The following ZNF697 variants were observed in gnomAD, a reference collection of about 807,000 sequenced individuals.
The protein encoded by ZNF697 is zinc finger protein 697.
ZNF697 carries 23 observed loss-of-function variants against 32.4 expected under a neutral mutation model. The ratio of observed to expected loss-of-function variants is 0.71; its 90% confidence interval spans 0.51 to 1.01. The LOEUF is 1.01. Ranked by LOEUF, ZNF697 falls within the 50% of genes least tolerant of loss-of-function variation. The pLI is 0.00. For missense variants in ZNF697, 930 were observed against 794.0 expected (o/e 1.17, Z -2.06); for synonymous variants, 418 against 337.2 (o/e 1.24, Z -2.62).
chr1:119,631,601 TTGGGCCC>T (rs1648776258), intron 1 of ZNF697, among the ~76,000 whole-genome samples: 1 of 59,430 alleles, frequency 1.7e-5, no homozygotes, highest in South Asian at 5.3e-4. Context: ...TGGGCCCCGC[TTGGGCCC>T]CGCCTGGGCC....
At chr1:119,644,137 A>G (rs767421742) in intron 1 of ZNF697, among the ~76,000 whole-genome samples, 3 of 152,224 alleles carry the variant, frequency 2.0e-5, no homozygotes, top group Non-Finnish European at 4.4e-5. Flanking sequence ...CAGAATTTCA[A>G]ACAATGCAAG....
At chr1:119,632,843 A>G (rs2101088058) in intron 1 of ZNF697, among the ~76,000 whole-genome samples, 1 of 152,328 alleles carries the variant, frequency 6.6e-6, no homozygotes, top group East Asian at 1.9e-4. Flanking sequence ...TCCATATTTT[A>G]CATTTAACTG....
intron 1 of ZNF697, among the ~76,000 whole-genome samples, chr1:119,629,987 G>T (rs587737756): frequency 4.5e-4 from 69 of 152,306 alleles, no homozygotes; most frequent in African/African-American, 1.5e-3. Context: ...GCTAAATAGG[G>T]TGTGGGTGCC....
intron 1 of ZNF697, among the ~76,000 whole-genome samples, chr1:119,641,943 T>C (rs1209836338): frequency 6.6e-6 from 1 of 152,200 alleles, no homozygotes; most frequent in Non-Finnish European, 1.5e-5. Flanking sequence ...AGCATGAGAA[T>C]GAACTAATAC....
chr1:119,631,272 C>T (rs1362618827), intron 1 of ZNF697, among the ~76,000 whole-genome samples: 1 of 152,248 alleles, frequency 6.6e-6, no homozygotes, highest in African/African-American at 2.4e-5. Flanking sequence ...GCGGTGTCTC[C>T]TTGGAGCGGA....
rs1259677668 is a variant in ZNF697 at position 119,620,698 on chromosome 1, A to G, written c.*2007T>C. The G allele has an allele frequency of 2.0e-5, 3 of 152,656 alleles. No individual in the cohort carries two copies. The highest frequency in any genetic ancestry group is 6.5e-5 in the Admixed American group (1 of 15,286). The allele number at this position is 152,656 out of a possible 1,614,324, so 9.5% of individuals were successfully genotyped here. On this transcript the variant is annotated 3_prime_UTR_variant, in exon 3 of 3. Coordinates refer to ENST00000421812, the MANE Select transcript of ZNF697 (RefSeq NM_001080470.2). ...ATTTGTGAATAACAATAAACTGATT[A>G]AGAGGGCAAGATCAACAGGCATTAT...
rs1051121161 is a variant in ZNF697 at position 119,643,362 on chromosome 1, G to C, written c.-38+4329C>G. On this transcript the variant is annotated intron_variant, in intron 1 of 2. Transcript: ENST00000421812. ...CCTATTCTCCTTTAACATGACTAAT[G>C]TGCTTCTAACAACCCATAGCACACT... Among the ~76,000 whole-genome samples, 3 of 152,244 alleles carry C rather than the reference G, an allele frequency of 2.0e-5. No homozygotes were observed. In the South Asian group the frequency reaches 6.2e-4, roughly 32 times the overall value.
Position 119,619,470 on chromosome 1 carries a change from AAC to A in ZNF697, c.*3233_*3234del, listed in dbSNP as rs1648242617. On this transcript the variant is annotated 3_prime_UTR_variant, in exon 3 of 3. Coordinates refer to ENST00000421812, the MANE Select transcript of ZNF697 (RefSeq NM_001080470.2). Reference sequence around the variant, plus strand: ...GACAAATATTCCATATTGGTTGCTGAACACCAGAATGCTGTCCAAGGAACCAT... The same window carrying A: ...GACAAATATTCCATATTGGTTGCTGAACCAGAATGCTGTCCAAGGAACCAT... 6.6e-6 allele frequency: 1 copy of A among 152,292 alleles called. No homozygotes were observed. The allele number at this position is 152,292 out of a possible 1,614,324, so 9.4% of individuals were successfully genotyped here. A position where few individuals can be genotyped will look rare whatever the true frequency, so the allele number is the denominator to read the frequency against.
chr1:119,638,594 C>T (rs1016240717), intron 1 of ZNF697, among the ~76,000 whole-genome samples: 2 of 152,224 alleles, frequency 1.3e-5, no homozygotes, highest in African/African-American at 4.8e-5. Context: ...CTCTTCTTAA[C>T]TCCTAAAATA....
chr1:119,638,876 C>T lies in ZNF697; in HGVS notation c.-38+8815G>A, dbSNP rs140290186. Among the ~76,000 whole-genome samples the T allele has an allele frequency of 5.1e-4, 78 of 152,220 alleles. 1 individual carries two copies. Among genetic ancestry groups the T allele is most frequent in the African/African-American group, 1.7e-3 (69 of 41,542 alleles). On this transcript the variant is annotated intron_variant, in intron 1 of 2. Transcript: ENST00000421812. ...GCAGCAGAAACAGGAAAAGCACATG[C>T]GAAGGAGTCAACAGCACGGGTTAAA...
chr1:119,622,894 G>A lies in ZNF697; in HGVS notation c.1449C>T (p.His483=). The change falls in exon 3 of 3, where the codon CAC becomes CAT. Residue 483 remains histidine, a synonymous_variant. Coordinates refer to ENST00000421812, the MANE Select transcript of ZNF697 (RefSeq NM_001080470.2). ...GCTTCTCGCCCGTGTGCGTGCGCTG[G>A]TGCTGCGTGAGCGTGGAGAAGTCGC... is the stretch of plus-strand genomic sequence containing the variant. ...RFSDFSTLTQ[H]QRTHTGEKPY... 3 of 1,610,052 alleles carry A rather than the reference G, an allele frequency of 1.9e-6. No individual in the cohort carries two copies. Among genetic ancestry groups the A allele is most frequent in the Middle Eastern group, 1.7e-4 (1 of 6,058 alleles).
Position 119,621,036 on chromosome 1 carries a change from T to C in ZNF697, c.*1669A>G, listed in dbSNP as rs1178036527. On this transcript the variant is annotated 3_prime_UTR_variant, in exon 3 of 3. Transcript: ENST00000421812. ...CACAGGGATCTTCAGCATAAGTAAC[T>C]GAAATCTATACAAGAGTCATCTAAC... 1 of 152,192 alleles carries C rather than the reference T, an allele frequency of 6.6e-6. No individual in the cohort carries two copies. The highest frequency in any genetic ancestry group is 1.5e-5 in the Non-Finnish European group (1 of 68,026). 9.4% of individuals were successfully genotyped at this position (152,192 alleles called of 1,614,324 possible).
At chr1:119,630,536 C>G (rs1365785043) in intron 1 of ZNF697, among the ~76,000 whole-genome samples, 6 of 152,214 alleles carry the variant, frequency 3.9e-5, no homozygotes, top group Non-Finnish European at 8.8e-5. Context: ...ATCACCCTAT[C>G]ACTGGGAAAA....
chr1:119,621,693 A>C lies in ZNF697; in HGVS notation c.*1012T>G, dbSNP rs1648317488. 1 of 152,270 alleles carries C rather than the reference A, an allele frequency of 6.6e-6. No homozygotes were observed. The highest frequency in any genetic ancestry group is 2.1e-4 in the South Asian group (1 of 4,832). 9.4% of individuals were successfully genotyped at this position (152,270 alleles called of 1,614,324 possible). ...ACCAAGGAGTCTCGCATCCCAAAAAAGTGAACACTTTCTTGGATTTCTCAC... is the reference window on the plus strand; with the variant it reads ...ACCAAGGAGTCTCGCATCCCAAAAACGTGAACACTTTCTTGGATTTCTCAC... On this transcript the variant is annotated 3_prime_UTR_variant, in exon 3 of 3. Coordinates refer to ENST00000421812, the MANE Select transcript of ZNF697 (RefSeq NM_001080470.2).
rs993342901 is a variant in ZNF697 at position 119,626,124 on chromosome 1, G to A, written c.-24C>T. 3.1e-6 allele frequency: 5 copies of A among 1,613,026 alleles called. No homozygotes were observed. Among genetic ancestry groups the A allele is most frequent in the Non-Finnish European group, 2.5e-6 (3 of 1,179,348 alleles). On this transcript the variant is annotated 5_prime_UTR_variant, in exon 2 of 3. Transcript: ENST00000421812. ...ATCCAGGAAGAAAAGAGCAAGGGAG[G>A]TGACCAGGAATCCCTGCTCCAGAAA...
rs934668255 is a variant in ZNF697, at chr1:119,619,577, C to T, written c.*3128G>A. 1 of 152,612 alleles carries T rather than the reference C, an allele frequency of 6.6e-6. No homozygotes were observed. The highest frequency in any genetic ancestry group is 6.5e-5 in the Admixed American group (1 of 15,278). The allele number at this position is 152,612 out of a possible 1,614,324, so 9.5% of individuals were successfully genotyped here. A position where few individuals can be genotyped will look rare whatever the true frequency, so the allele number is the denominator to read the frequency against. ...ACACGAAACCTGTTACTTTTAGGAT[C>T]ATTAAATTATTCACTATTTTAACAA... On this transcript the variant is annotated 3_prime_UTR_variant, in exon 3 of 3. Transcript: ENST00000421812.
chr1:119,633,147 G>C (rs587654794), intron 1 of ZNF697, among the ~76,000 whole-genome samples: 47 of 152,350 alleles, frequency 3.1e-4, no homozygotes, highest in Middle Eastern at 3.4e-3. Context: ...ACTAAGGCTA[G>C]AAAGGGAAAG....
rs1474299689 is a variant in ZNF697 at position 119,620,717 on chromosome 1, G to C, written c.*1988C>G. Reference sequence around the variant, plus strand: ...CTGATTAAGAGGGCAAGATCAACAGGCATTATACAAGCCCAGAATTATCAG... The same window carrying C: ...CTGATTAAGAGGGCAAGATCAACAGCCATTATACAAGCCCAGAATTATCAG... On this transcript the variant is annotated 3_prime_UTR_variant, in exon 3 of 3. Coordinates refer to ENST00000421812, the MANE Select transcript of ZNF697 (RefSeq NM_001080470.2). 1 of 152,562 alleles carries C rather than the reference G, an allele frequency of 6.6e-6. No homozygotes were observed. Among genetic ancestry groups the C allele is most frequent in the Non-Finnish European group, 1.5e-5 (1 of 68,028 alleles). 9.5% of individuals were successfully genotyped at this position (152,562 alleles called of 1,614,324 possible).
rs1648378115 is a variant in ZNF697 at position 119,622,722 on chromosome 1, T to C, written c.1621A>G (p.Lys541Glu). 1 of 1,542,502 alleles carries C rather than the reference T, an allele frequency of 6.5e-7. No individual in the cohort carries two copies. The highest frequency in any genetic ancestry group is 2.0e-5 in the Admixed American group (1 of 50,820). The change falls in exon 3 of 3, where the codon AAG becomes GAG. Residue 541 changes from lysine (K) to glutamate (E), a missense_variant. Coordinates refer to ENST00000421812, the MANE Select transcript of ZNF697 (RefSeq NM_001080470.2). ...CCCAGCCCCTAACACAGGTGCAGCT[T>C]CTGGTGCTGCGCGAGGTGCGTTTTA... ...RYKTHLAQHQKLHLC is the reference protein window; with the variant it reads ...RYKTHLAQHQELHLC
Sources: gnomAD v4.1 joint callset for allele counts (sites outside exome capture counted in the v4.1 genomes callset) on GRCh38, gnomAD v4.1.1 for gene constraint, MANE v1.5 for transcripts, NCBI Gene and HGNC (gene_info 2026-07-23, HGNC 2026-07-21) for gene names.